The following FAM174A variants were observed in gnomAD, a reference collection of about 807,000 sequenced individuals.
The protein encoded by FAM174A is membrane protein FAM174A.
Under a neutral mutation model 14.3 loss-of-function variants are expected in FAM174A, and 14 were observed. The observed-to-expected ratio is 0.98, with a 90% CI of 0.65 to 1.53. FAM174A has a LOEUF of 1.53. Ranked by LOEUF, FAM174A falls within the 40% of genes most tolerant of loss-of-function variation. The pLI, the probability that FAM174A is intolerant of heterozygous loss-of-function variation, is 0.00. For synonymous variants in FAM174A, 108 were observed against 111.4 expected (o/e 0.97, Z 0.19); for missense variants, 241 against 249.6 (o/e 0.97, Z 0.23).
At chr5:100,566,140 T>TTATA (rs1580373368) in intron 2 of FAM174A, among the ~76,000 whole-genome samples, 1 of 8,078 alleles carries the variant, frequency 1.2e-4, no homozygotes, top group African/African-American at 3.1e-4. Flanking sequence ...TTGAAAAGTA[T>TTATA]GATATATATA....
In FAM174A at chr5:100,535,579, GTCC is replaced by G. The variant is rs938756587; in HGVS notation, c.57_59del (p.Leu23del). The G allele has an allele frequency of 3.9e-5, 63 of 1,613,126 alleles. No individual in the cohort carries two copies. The highest frequency in any genetic ancestry group is 5.1e-5 in the Non-Finnish European group (60 of 1,179,974). On this transcript the variant is annotated inframe_deletion, in exon 1 of 3. Transcript: ENST00000312637. The stretch of plus-strand genomic sequence containing the variant: ...CTGTCTCAGCCACCTCTTGGCTTCC[GTCC>G]TCCTCCTGCTGTTGCTGCCTGAACT...
chr5:100,567,500 C>T (rs1181100865), intron 2 of FAM174A, among the ~76,000 whole-genome samples: 1 of 151,752 alleles, frequency 6.6e-6, no homozygotes, highest in Non-Finnish European at 1.5e-5. Flanking sequence ...CTTCGAGGAG[C>T]ATATATTCAT....
chr5:100,583,062 C>T (rs1044322795), intron 2 of FAM174A, among the ~76,000 whole-genome samples: 2 of 151,926 alleles, frequency 1.3e-5, no homozygotes, highest in African/African-American at 4.8e-5. Context: ...ATTCTTACAA[C>T]AAAGCATGCT....
chr5:100,556,856 G>C (rs944475790), intron 1 of FAM174A, among the ~76,000 whole-genome samples: 1 of 152,164 alleles, frequency 6.6e-6, no homozygotes, highest in Non-Finnish European at 1.5e-5. Flanking sequence ...AGACGATGGG[G>C]TTTTCTAGAT....
intron 2 of FAM174A, among the ~76,000 whole-genome samples, chr5:100,573,747 A>G (rs1235844519): frequency 6.6e-6 from 1 of 150,798 alleles, no homozygotes; most frequent in Non-Finnish European, 1.5e-5. Context: ...TATGGAACCA[A>G]AAAAGAGCCC....
chr5:100,542,088 G>A (rs995990248), intron 1 of FAM174A, among the ~76,000 whole-genome samples: 1 of 152,090 alleles, frequency 6.6e-6, no homozygotes, highest in Non-Finnish European at 1.5e-5. Context: ...TTGAATTTTT[G>A]TGGAAGAGAA....
chr5:100,549,607 AT>A (rs202143815), intron 1 of FAM174A, among the ~76,000 whole-genome samples: 3,169 of 138,436 alleles, frequency 0.023, 58 homozygotes, highest in African/African-American at 0.058. Context: ...CACGCTTTTG[AT>A]TTTTTTTTTT....
intron 2 of FAM174A, among the ~76,000 whole-genome samples, chr5:100,578,307 C>T (rs1401792854): frequency 6.6e-6 from 1 of 152,108 alleles, no homozygotes; most frequent in Non-Finnish European, 1.5e-5. Context: ...TTAGACCAAT[C>T]TCTTGAATCT....
chr5:100,545,860 T>C (rs1012704777), intron 1 of FAM174A, among the ~76,000 whole-genome samples: 2 of 152,204 alleles, frequency 1.3e-5, no homozygotes, highest in East Asian at 1.9e-4. Flanking sequence ...TTATCACTTA[T>C]AATTGTTTAA....
At position 100,586,169 on chromosome 5, in the gene FAM174A, T is replaced by A; in HGVS notation, c.570-12T>A. On this transcript the variant is annotated splice_polypyrimidine_tract_variant and intron_variant, in intron 2 of 2. Coordinates refer to ENST00000312637, the MANE Select transcript of FAM174A (RefSeq NM_198507.3). ...AAAGGATATTTATGGTATTTTTTTC[T>A]TTTTCTTGCAGATAAGAATGTGCCT... 7.3e-7 allele frequency: 1 copy of A among 1,368,334 alleles called. No individual in the cohort carries two copies. The highest frequency in any genetic ancestry group is 1.0e-6 in the Non-Finnish European group (1 of 982,336). 84.8% of individuals were successfully genotyped at this position (1,368,334 alleles called of 1,614,324 possible). A position where few individuals can be genotyped will look rare whatever the true frequency, so the allele number is the denominator to read the frequency against.
At chr5:100,563,077 T>C (rs1047288822) in intron 2 of FAM174A, among the ~76,000 whole-genome samples, 1 of 151,884 alleles carries the variant, frequency 6.6e-6, no homozygotes, top group African/African-American at 2.4e-5. Context: ...TATATCTATA[T>C]ATGTCTATCC....
intron 2 of FAM174A, among the ~76,000 whole-genome samples, chr5:100,573,827 A>G (rs1017681133): frequency 2.0e-5 from 3 of 151,466 alleles, no homozygotes; most frequent in Admixed American, 6.6e-5. Flanking sequence ...TTCAAACTAT[A>G]CTACAAGGCT....
At chr5:100,580,913 TTTGTTTGTTTTTG>T (rs1746998422) in intron 2 of FAM174A, among the ~76,000 whole-genome samples, 1 of 152,030 alleles carries the variant, frequency 6.6e-6, no homozygotes, top group Non-Finnish European at 1.5e-5. Context: ...AGTTTGTTTG[TTTGTTTGTTTTTG>T]TTGTTTGTTT....
At chr5:100,572,670 A>G (rs369024251) in intron 2 of FAM174A, among the ~76,000 whole-genome samples, 5 of 152,008 alleles carry the variant, frequency 3.3e-5, no homozygotes, top group African/African-American at 1.2e-4. Flanking sequence ...ATTTGGGTTG[A>G]TTCCAAGTCT....
chr5:100,554,580 G>A (rs749645764), intron 1 of FAM174A, among the ~76,000 whole-genome samples: 2 of 151,992 alleles, frequency 1.3e-5, no homozygotes, highest in African/African-American at 4.8e-5. Context: ...AAAGTGTTGG[G>A]ATTACAGGTG....
chr5:100,564,302 G>C lies in FAM174A; in HGVS notation c.569+2114G>C, dbSNP rs542401815. On this transcript the variant is annotated intron_variant, in intron 2 of 2. Transcript: ENST00000312637. ...CTTGAGCAATTATTGGGTCAAATAG[G>C]AAATCAAAGGGAATTTTAAGAGCTA... 4.2e-4 allele frequency among the ~76,000 whole-genome samples: 63 copies of C among 150,998 alleles called. No homozygotes were observed. In the South Asian group the frequency reaches 0.013, roughly 30 times the overall value.
intron 2 of FAM174A, among the ~76,000 whole-genome samples, chr5:100,564,824 AAAAG>A (rs1316106022): frequency 6.6e-6 from 1 of 151,942 alleles, no homozygotes; most frequent in African/African-American, 2.4e-5. Flanking sequence ...ACTTGAATCA[AAAAG>A]AAATTCGAAG....
intron 1 of FAM174A, among the ~76,000 whole-genome samples, chr5:100,545,929 T>C (rs189118414): frequency 7.2e-4 from 110 of 152,270 alleles, no homozygotes; most frequent in Non-Finnish European, 2.6e-4. Context: ...TTTATATAGA[T>C]GTATACAAAA....
chr5:100,549,502 C>T (rs1452719150), intron 1 of FAM174A, among the ~76,000 whole-genome samples: 1 of 152,006 alleles, frequency 6.6e-6, no homozygotes, highest in Non-Finnish European at 1.5e-5. Context: ...AACATAATCA[C>T]AGGAAGTGAT....
Sources: allele counts gnomAD v4.1 joint callset (sites outside exome capture counted in the v4.1 genomes callset), GRCh38; gene constraint gnomAD v4.1.1; transcripts MANE v1.5; gene names NCBI Gene and HGNC (gene_info 2026-07-23, HGNC 2026-07-21).